The following CSMD1 variants were observed in gnomAD, a reference collection of about 807,000 sequenced individuals.
The protein encoded by CSMD1 is CUB and sushi domain-containing protein 1.
Under a neutral mutation model 417.5 loss-of-function variants are expected in CSMD1, and 213 were observed. The ratio of observed to expected loss-of-function variants is 0.51; its 90% CI spans 0.46 to 0.57. CSMD1 has a LOEUF of 0.57. Ranked by LOEUF, CSMD1 falls within the 20% of genes least tolerant of loss-of-function variation. The pLI, the probability that CSMD1 is intolerant of heterozygous loss-of-function variation, is 0.00. For missense variants in CSMD1, 6,923 were observed against 4,529.7 expected (o/e 1.53, Z -15.17); for synonymous variants, 2,862 against 1,736.8 (o/e 1.65, Z -16.11).
At chr8:4,401,148 C>T (rs190354486) in intron 3 of CSMD1, among the ~76,000 whole-genome samples, 4 of 152,010 alleles carry the variant, frequency 2.6e-5, no homozygotes, top group South Asian at 2.1e-4. Flanking sequence ...AGCTGGGAGT[C>T]GAGGATTCAT....
intron 20 of CSMD1, among the ~76,000 whole-genome samples, chr8:3,364,931 C>T (rs780657144): frequency 2.6e-5 from 4 of 152,188 alleles, no homozygotes; most frequent in South Asian, 4.1e-4. Context: ...GAATAAGAAA[C>T]TGATGCAGTA....
chr8:4,064,658 A>G (rs1208327565), intron 3 of CSMD1, among the ~76,000 whole-genome samples: 1 of 152,020 alleles, frequency 6.6e-6, no homozygotes, highest in Non-Finnish European at 1.5e-5. Context: ...TGGCAGGTAC[A>G]CTCTGTATTC....
At chr8:4,818,888 G>C (rs1317458898) in intron 1 of CSMD1, among the ~76,000 whole-genome samples, 1 of 152,142 alleles carries the variant, frequency 6.6e-6, no homozygotes, top group African/African-American at 2.4e-5. Flanking sequence ...ACTAAAGAAA[G>C]TTCAGTTTAA....
intron 5 of CSMD1, among the ~76,000 whole-genome samples, chr8:3,800,428 A>G (rs1800392096): frequency 6.6e-6 from 1 of 152,298 alleles, no homozygotes; most frequent in East Asian, 1.9e-4. Flanking sequence ...GTGCTTGAGA[A>G]ATAGTATAAA....
intron 12 of CSMD1, among the ~76,000 whole-genome samples, chr8:3,421,028 TAA>T (rs1813456456): frequency 6.6e-6 from 1 of 152,216 alleles, no homozygotes; most frequent in South Asian, 2.1e-4. Flanking sequence ...AAAAGCTGTG[TAA>T]AGTTTTACTG....
At chr8:3,080,270 G>A (rs1813991198) in intron 49 of CSMD1, among the ~76,000 whole-genome samples, 1 of 152,128 alleles carries the variant, frequency 6.6e-6, no homozygotes, top group Non-Finnish European at 1.5e-5. Flanking sequence ...TCTAATTCAG[G>A]CTTCTCCTCA....
intron 3 of CSMD1, among the ~76,000 whole-genome samples, chr8:4,139,968 G>C (rs1803682498): frequency 6.6e-6 from 1 of 150,618 alleles, no homozygotes; most frequent in Non-Finnish European, 1.5e-5. Context: ...GTGAAACTAT[G>C]TTTATGTGGG....
chr8:3,401,989 T>G (rs12544077), intron 15 of CSMD1, among the ~76,000 whole-genome samples: 79,183 of 151,574 alleles, frequency 0.52, 21,079 homozygotes, highest in Middle Eastern at 0.62. Context: ...ATTACAGTGA[T>G]GAATTCCCTG....
intron 1 of CSMD1, among the ~76,000 whole-genome samples, chr8:4,754,577 C>T (rs905433102): frequency 1.3e-5 from 2 of 151,184 alleles, no homozygotes; most frequent in Admixed American, 6.6e-5. Context: ...TAGGGCCAGG[C>T]GCAGTGGCTC....
chr8:4,152,835 T>C, intron 3 of CSMD1, among the ~76,000 whole-genome samples: 1 of 152,312 alleles, frequency 6.6e-6, no homozygotes, highest in East Asian at 1.9e-4. Context: ...GTAGGGAATG[T>C]ATGTATGTGC....
chr8:3,359,642 A>G (rs1254637401), intron 20 of CSMD1, among the ~76,000 whole-genome samples: 2 of 152,132 alleles, frequency 1.3e-5, no homozygotes, highest in African/African-American at 4.8e-5. Flanking sequence ...CAATGGATAC[A>G]AGGATACAGT....
At position 3,772,488 on chromosome 8, in the gene CSMD1, C is replaced by T. The variant is rs1336681751; in HGVS notation, c.819-18446G>A. Among the ~76,000 whole-genome samples the T allele has an allele frequency of 6.1e-4, 15 of 24,790 alleles. 2 individuals carry two copies. Among genetic ancestry groups the T allele is most frequent in the Admixed American group, 8.5e-4 (2 of 2,364 alleles). The allele number at this position is 24,790 out of a possible 152,430, so 16.3% of individuals were successfully genotyped here. A position where few individuals can be genotyped will look rare whatever the true frequency, so the allele number is the denominator to read the frequency against. On this transcript the variant is annotated intron_variant, in intron 5 of 69. Transcript: ENST00000635120. ...ATATACACATATATATACATATATA[C>T]ACATATATACATATATACACATATA... is the stretch of plus-strand genomic sequence containing the variant.
intron 1 of CSMD1, among the ~76,000 whole-genome samples, chr8:4,740,402 T>G (rs1438496691): frequency 5.9e-5 from 9 of 152,186 alleles, no homozygotes; most frequent in Admixed American, 5.2e-4. Context: ...AATAGCAGCC[T>G]CTATTTTTTT....
chr8:3,485,499 G>C (rs1817974186), intron 11 of CSMD1, among the ~76,000 whole-genome samples: 1 of 148,810 alleles, frequency 6.7e-6, no homozygotes, highest in Non-Finnish European at 1.5e-5. Context: ...TAAACAGGTA[G>C]TGAAATTGTA....
rs146483072 is a variant in CSMD1 at position 4,401,621 on chromosome 8, A to G, written c.415+18332T>C. Among the ~76,000 whole-genome samples, 117 of 152,146 alleles carry G rather than the reference A, an allele frequency of 7.7e-4. 1 individual carries two copies. Among genetic ancestry groups the G allele is most frequent in the Middle Eastern group, 3.4e-3 (1 of 294 alleles). On this transcript the variant is annotated intron_variant, in intron 3 of 69. Coordinates refer to ENST00000635120, the MANE Select transcript of CSMD1 (RefSeq NM_033225.6). ...CCCTGTCACCTCGGTCACCACAAGA[A>G]TCCCGGATTCTGTGTCGTACCCGAC...
At chr8:3,930,554 C>G (rs901682236) in intron 5 of CSMD1, among the ~76,000 whole-genome samples, 15 of 150,370 alleles carry the variant, frequency 1.0e-4, no homozygotes, top group African/African-American at 3.4e-4. Context: ...GCTAGCCAAT[C>G]GGGACAAATA....
chr8:4,470,002 G>A (rs528215026), intron 2 of CSMD1, among the ~76,000 whole-genome samples: 3 of 152,028 alleles, frequency 2.0e-5, no homozygotes, highest in Admixed American at 6.5e-5. Context: ...CGAGTAGCTG[G>A]GATTACAGGC....
At chr8:2,988,121 C>G (rs1806081261) in intron 54 of CSMD1, among the ~76,000 whole-genome samples, 1 of 152,104 alleles carries the variant, frequency 6.6e-6, no homozygotes, top group African/African-American at 2.4e-5. Context: ...ACTATTTTAA[C>G]ATTTTGAGAA....
intron 1 of CSMD1, among the ~76,000 whole-genome samples, chr8:4,765,776 A>T (rs377599730): frequency 6.6e-6 from 1 of 152,206 alleles, no homozygotes; most frequent in Non-Finnish European, 1.5e-5. Context: ...TTTCCATAAT[A>T]GAGAGAGCCT....
Sources: allele counts gnomAD v4.1 joint callset (sites outside exome capture counted in the v4.1 genomes callset), GRCh38; gene constraint gnomAD v4.1.1; transcripts MANE v1.5; gene names NCBI Gene and HGNC (gene_info 2026-07-23, HGNC 2026-07-21).